Variants in SEMA3A observed in about 807,000 individuals in gnomAD.
The protein encoded by SEMA3A is semaphorin-3A.
SEMA3A carries 29 observed loss-of-function variants against 97.9 expected under a neutral mutation model. The observed-to-expected ratio is 0.30, with a 90% CI of 0.22 to 0.40. SEMA3A has a LOEUF of 0.40. Among genes scored for constraint, SEMA3A ranks in the 10% least tolerant of loss-of-function variants. The pLI is 1.00. For synonymous variants in SEMA3A, 321 were observed against 323.7 expected (o/e 0.99, Z 0.09); for missense variants, 763 against 951.3 (o/e 0.80, Z 2.60).
At chr7:84,336,467 T>G (rs181126569) in intron 2 of SEMA3A, among the ~76,000 whole-genome samples, 1 of 152,272 alleles carries the variant, frequency 6.6e-6, no homozygotes, top group Non-Finnish European at 1.5e-5. Flanking sequence ...GAGTATATAC[T>G]ATGGTAACCA....
intron 1 of SEMA3A, among the ~76,000 whole-genome samples, chr7:84,141,441 G>A (rs1796288373): frequency 6.6e-6 from 1 of 152,030 alleles, no homozygotes; most frequent in Admixed American, 6.6e-5. Context: ...ATTTATGCCA[G>A]GATTCTCCCC....
At chr7:84,279,930 C>T (rs1029571887) in intron 3 of SEMA3A, among the ~76,000 whole-genome samples, 1 of 152,140 alleles carries the variant, frequency 6.6e-6, no homozygotes, top group African/African-American at 2.4e-5. Context: ...TAAGGTCTCA[C>T]TCTGTTGCTC....
At chr7:84,333,577 C>T (rs1376851025) in intron 2 of SEMA3A, among the ~76,000 whole-genome samples, 1 of 152,122 alleles carries the variant, frequency 6.6e-6, no homozygotes, top group Non-Finnish European at 1.5e-5. Flanking sequence ...CCAGGATATA[C>T]TCTACTTTCC....
intron 13 of SEMA3A, 126 bp from the exon 14 acceptor site, chr7:83,981,604 T>G (rs1376647290): frequency 3.6e-6 from 3 of 829,492 alleles, no homozygotes; most frequent in African/African-American, 1.8e-5. Flanking sequence ...AAATCATCCC[T>G]TTATTGCTAA....
chr7:84,384,262 G>T (rs968189140), intron 1 of SEMA3A, among the ~76,000 whole-genome samples: 3 of 152,016 alleles, frequency 2.0e-5, no homozygotes, highest in African/African-American at 7.3e-5. Flanking sequence ...TTTATTTTAG[G>T]TCTGTGTATT....
At chr7:84,473,172 G>GTGTA (rs1226861400) in intron 1 of SEMA3A, among the ~76,000 whole-genome samples, 2 of 151,432 alleles carry the variant, frequency 1.3e-5, no homozygotes. Context: ...GTGTGTGTGT[G>GTGTA]TGAAACCTAC....
intron 4 of SEMA3A, among the ~76,000 whole-genome samples, chr7:84,090,052 G>GA (rs751131702): frequency 6.6e-6 from 1 of 151,918 alleles, no homozygotes; most frequent in African/African-American, 2.4e-5. Context: ...TTATGCTCAT[G>GA]AAAATTTTAA....
intron 3 of SEMA3A, among the ~76,000 whole-genome samples, chr7:84,111,002 T>G (rs2115942684): frequency 6.6e-6 from 1 of 152,198 alleles, no homozygotes; most frequent in Admixed American, 6.5e-5. Flanking sequence ...AAAAATCAGT[T>G]TTCAGTTCCA....
intron 1 of SEMA3A, among the ~76,000 whole-genome samples, chr7:84,482,164 G>A (rs1806463388): frequency 6.6e-6 from 1 of 152,006 alleles, no homozygotes; most frequent in Admixed American, 6.6e-5. Flanking sequence ...AAATATTGAG[G>A]TAGTGTTATT....
At chr7:84,295,514 ATAACTAGGCTTTCTAT>A (rs1240803234) in intron 3 of SEMA3A, among the ~76,000 whole-genome samples, 1 of 152,088 alleles carries the variant, frequency 6.6e-6, no homozygotes, top group Non-Finnish European at 1.5e-5. Context: ...TTAGGTTTCC[ATAACTAGGCTTTCTAT>A]TGACTGTGTG....
At chr7:84,001,205 A>C (rs908596848) in intron 12 of SEMA3A, among the ~76,000 whole-genome samples, 1 of 152,086 alleles carries the variant, frequency 6.6e-6, no homozygotes, top group African/African-American at 2.4e-5. Flanking sequence ...GCTTTAATTT[A>C]AACTATTTCT....
Position 83,958,235 on chromosome 7 carries a change from T to G in SEMA3A, c.*3136A>C, listed in dbSNP as rs1754938221. ...TTTACAGATGACTACAATGAAGAAA[T>G]CTGTTAGCTAATTATGTAGCAACCT... On this transcript the variant is annotated 3_prime_UTR_variant, in exon 17 of 17. Coordinates refer to ENST00000265362, the MANE Select transcript of SEMA3A (RefSeq NM_006080.3). 1.3e-5 allele frequency: 2 copies of G among 152,452 alleles called. No individual in the cohort carries two copies. Among genetic ancestry groups the G allele is most frequent in the Non-Finnish European group, 2.9e-5 (2 of 67,962 alleles). The allele number at this position is 152,452 out of a possible 1,614,324, so 9.4% of individuals were successfully genotyped here.
chr7:84,198,857 C>G (rs2116291450), upstream of SEMA3A, among the ~76,000 whole-genome samples: 1 of 152,246 alleles, frequency 6.6e-6, no homozygotes, highest in South Asian at 2.1e-4. Context: ...GCTTGATTTT[C>G]TAGAGGATCA....
At chr7:84,066,634 A>G (rs928431487) in intron 4 of SEMA3A, among the ~76,000 whole-genome samples, 16 of 149,764 alleles carry the variant, frequency 1.1e-4, no homozygotes, top group Non-Finnish European at 2.4e-4. Flanking sequence ...TCAACAGACA[A>G]ACAGAGAGCC....
intron 3 of SEMA3A, among the ~76,000 whole-genome samples, chr7:84,242,088 T>C (rs1308300467): frequency 1.3e-5 from 2 of 152,198 alleles, no homozygotes; most frequent in Non-Finnish European, 2.9e-5. Flanking sequence ...TTCTTTTTGC[T>C]TAGGATTGTC....
chr7:84,049,674 G>T (rs974070317), intron 5 of SEMA3A, among the ~76,000 whole-genome samples: 1 of 151,622 alleles, frequency 6.6e-6, no homozygotes, highest in African/African-American at 2.4e-5. Flanking sequence ...GGCCACTAAT[G>T]AAGTTATCAA....
intron 3 of SEMA3A, among the ~76,000 whole-genome samples, chr7:84,255,155 G>T (rs1253311885): frequency 6.6e-6 from 1 of 152,044 alleles, no homozygotes; most frequent in East Asian, 1.9e-4. Context: ...GCAGGCCTTG[G>T]TTCAAAGTTG....
chr7:84,301,076 C>T (rs1801005594), intron 3 of SEMA3A, among the ~76,000 whole-genome samples: 1 of 151,884 alleles, frequency 6.6e-6, no homozygotes, highest in African/African-American at 2.4e-5. Flanking sequence ...GTTTTTCCTG[C>T]AGGGGAGGGG....
chr7:84,435,143 A>G (rs552075452), intron 1 of SEMA3A, among the ~76,000 whole-genome samples: 2 of 152,202 alleles, frequency 1.3e-5, no homozygotes, highest in Admixed American at 1.3e-4. Context: ...CTAATAAACA[A>G]CTTCAGTAAA....
Sources: allele counts gnomAD v4.1 joint callset (sites outside exome capture counted in the v4.1 genomes callset), GRCh38; gene constraint gnomAD v4.1.1; transcripts MANE v1.5; gene names NCBI Gene and HGNC (gene_info 2026-07-23, HGNC 2026-07-21).